APLF: variants seen among roughly 807,000 people sequenced by gnomAD.
APLF encodes aprataxin and PNKP like factor.
APLF carries 61 observed loss-of-function variants against 55.6 expected under a neutral mutation model. That is an observed-to-expected ratio of 1.10 (90% CI 0.89 to 1.36). The LOEUF is 1.36. Among genes scored for constraint, APLF ranks in the 40% most tolerant of loss-of-function variants. APLF has a pLI of 0.00. For missense variants in APLF, 611 were observed against 602.5 expected (o/e 1.01, Z -0.15); for synonymous variants, 207 against 214.8 (o/e 0.96, Z 0.32).
At chr2:68,543,771 A>G (rs4508636) in intron 7 of APLF, among the ~76,000 whole-genome samples, 1 of 152,184 alleles carries the variant, frequency 6.6e-6, no homozygotes, top group Admixed American at 6.5e-5. Context: ...TTGAAAACGT[A>G]CTTACTGCTA....
At chr2:68,532,665 A>T (rs1234031479) in intron 6 of APLF, among the ~76,000 whole-genome samples, 1 of 152,184 alleles carries the variant, frequency 6.6e-6, no homozygotes, top group Non-Finnish European at 1.5e-5. Context: ...TGTCAGAAAT[A>T]GTCTATATTT....
At chr2:68,514,794 CTT>C (rs1302740597) in intron 5 of APLF, among the ~76,000 whole-genome samples, 2 of 151,774 alleles carry the variant, frequency 1.3e-5, no homozygotes, top group Admixed American at 1.3e-4. Context: ...AGTTCACAAA[CTT>C]TATAGATTAT....
chr2:68,563,135 T>C lies in APLF; in HGVS notation c.1287-4206T>C, dbSNP rs144651495. The C allele has an allele frequency of 2.6e-3, 2,541 of 985,266 alleles. 49 individuals carry two copies. The African/African-American group carries it at 0.04, about 16-fold the overall frequency. The allele number at this position is 985,266 out of a possible 1,614,324, so 61.0% of individuals were successfully genotyped here. A position where few individuals can be genotyped will look rare whatever the true frequency, so the allele number is the denominator to read the frequency against. Reference sequence around the variant, plus strand: ...TCCAGTTGAAAAACACCAACTCAGCTAGTTTCTTCTGGTCTGCATTACAGT... The same window carrying C: ...TCCAGTTGAAAAACACCAACTCAGCCAGTTTCTTCTGGTCTGCATTACAGT... On this transcript the variant is annotated intron_variant, in intron 8 of 9. Coordinates refer to ENST00000303795, the MANE Select transcript of APLF (RefSeq NM_173545.3).
chr2:68,509,317 G>T (rs927013487), intron 3 of APLF, among the ~76,000 whole-genome samples: 1 of 151,858 alleles, frequency 6.6e-6, no homozygotes, highest in African/African-American at 2.4e-5. Context: ...TTTGCAATCT[G>T]CTCATCTGAC....
intron 1 of APLF, among the ~76,000 whole-genome samples, chr2:68,485,785 C>G (rs1676144953): frequency 6.7e-6 from 1 of 149,588 alleles, no homozygotes; most frequent in South Asian, 2.1e-4. Context: ...ATCCATGATT[C>G]ATATGGAATC....
At chr2:68,551,350 G>A (rs1465902417) in intron 8 of APLF, among the ~76,000 whole-genome samples, 6 of 151,988 alleles carry the variant, frequency 3.9e-5, no homozygotes, top group East Asian at 1.9e-4. Context: ...ATCCTATTTG[G>A]GGGTTCACTG....
chr2:68,519,401 AATACATGTTGAACTATT>A (rs1397456014), intron 5 of APLF, among the ~76,000 whole-genome samples: 5 of 149,270 alleles, frequency 3.3e-5, no homozygotes, highest in Non-Finnish European at 1.5e-5. Context: ...TTTGAAATGA[AATACATGTTGAACTATT>A]ATAAGCAGTA....
chr2:68,524,924 T>G (rs539189104), intron 5 of APLF, among the ~76,000 whole-genome samples: 1 of 152,324 alleles, frequency 6.6e-6, no homozygotes, highest in Non-Finnish European at 1.5e-5. Flanking sequence ...CCAACTGCAT[T>G]AAACTTTGGG....
intron 1 of APLF, among the ~76,000 whole-genome samples, chr2:68,469,219 C>T (rs903566553): frequency 6.6e-6 from 1 of 151,864 alleles, no homozygotes; most frequent in Non-Finnish European, 1.5e-5. Context: ...CTTTTAAATT[C>T]GTAGGTTTGA....
At position 68,578,276 on chromosome 2, in the gene APLF, A is replaced by G. The variant is rs1234980026; in HGVS notation, c.*254A>G. On this transcript the variant is annotated 3_prime_UTR_variant, in exon 10 of 10. Transcript: ENST00000303795. ...GGAAGACAGAGAAGGTAGAGTAAAA[A>G]TGGATATTTTTTATGTACTTTGTAT... 1.7e-6 allele frequency: 2 copies of G among 1,200,764 alleles called. No homozygotes were observed. The highest frequency in any genetic ancestry group is 1.0e-6 in the Non-Finnish European group (1 of 962,188). The allele number at this position is 1,200,764 out of a possible 1,614,324, so 74.4% of individuals were successfully genotyped here.
At chr2:68,564,897 GT>G (rs1671258019) in intron 8 of APLF, among the ~76,000 whole-genome samples, 2 of 152,118 alleles carry the variant, frequency 1.3e-5, no homozygotes, top group African/African-American at 4.8e-5. Context: ...TCTTTTCTTG[GT>G]TTTTGAATTA....
chr2:68,544,090 T>C (rs1193307228), intron 7 of APLF, among the ~76,000 whole-genome samples: 1 of 151,360 alleles, frequency 6.6e-6, no homozygotes, highest in Non-Finnish European at 1.5e-5. Flanking sequence ...CAAGCAGTTC[T>C]CCTGCCTCAG....
intron 6 of APLF, chr2:68,528,841 C>G: frequency 6.6e-7 from 1 of 1,510,422 alleles, no homozygotes; most frequent in Non-Finnish European, 8.9e-7. Context: ...GGACATTTCC[C>G]TCCAAGGGCC....
intron 2 of APLF, among the ~76,000 whole-genome samples, chr2:68,490,679 C>T (rs1676330331): frequency 6.6e-6 from 1 of 152,152 alleles, no homozygotes; most frequent in Non-Finnish European, 1.5e-5. Flanking sequence ...AAAACTTAGA[C>T]TTTGTTCAAC....
rs184919182 is a variant in APLF, at chr2:68,555,145, A to T, written c.1286+9833A>T. Among the ~76,000 whole-genome samples, 600 of 152,288 alleles carry T rather than the reference A, an allele frequency of 3.9e-3. 5 individuals are homozygous for T. The highest frequency in any genetic ancestry group is 8.5e-3 in the South Asian group (41 of 4,826). ...AAACTGGACCCTCATCTCTCACCTT[A>T]TACAAAAATCAACTCAAGATGGATC... On this transcript the variant is annotated intron_variant, in intron 8 of 9. Transcript: ENST00000303795.
At chr2:68,538,689 G>T (rs1670470403) in intron 7 of APLF, among the ~76,000 whole-genome samples, 1 of 133,234 alleles carries the variant, frequency 7.5e-6, no homozygotes, top group South Asian at 2.4e-4. Context: ...AATAATCCTG[G>T]ATTGATGGGT....
At chr2:68,532,217 A>T (rs1395849218) in intron 6 of APLF, among the ~76,000 whole-genome samples, 6 of 152,192 alleles carry the variant, frequency 3.9e-5, no homozygotes, top group Admixed American at 3.9e-4. Flanking sequence ...GGCTAGGTTC[A>T]CCTATCTATT....
chr2:68,467,756 C>T lies in APLF; in HGVS notation c.25C>T (p.Pro9Ser). The change falls in exon 1 of 10, where the codon CCG (proline) becomes TCG (serine). Residue 9 changes from proline (P) to serine (S), a missense_variant. Pro to Ser is a moderately conservative substitution (Grantham distance 74). Transcript: ENST00000303795. MSGGFELQPRDGGPRVALA... is the reference protein window; with the variant it reads MSGGFELQSRDGGPRVALA... ...CATGTCCGGGGGCTTCGAGCTGCAG[C>T]CGCGGGACGGCGGTCCCCGGGTGGC... 8.1e-7 allele frequency: 1 copy of T among 1,234,818 alleles called. No homozygotes were observed. Among genetic ancestry groups the T allele is most frequent in the Non-Finnish European group, 1.0e-6 (1 of 988,046 alleles). The allele number at this position is 1,234,818 out of a possible 1,614,324, so 76.5% of individuals were successfully genotyped here.
In APLF at chr2:68,579,813, G is replaced by A. The variant is rs112505456; in HGVS notation, c.*1791G>A. 0.027 allele frequency: 4,834 copies of A among 181,120 alleles called. 79 individuals carry two copies. The highest frequency in any genetic ancestry group is 0.046 in the Middle Eastern group (17 of 368). The allele number at this position is 181,120 out of a possible 1,614,324, so 11.2% of individuals were successfully genotyped here. ...GGAAGAATGGGGAGTGACTGCTAAT[G>A]AGTATAGGATTTCCTTTTGAGTGAT... is the stretch of plus-strand genomic sequence containing the variant. On this transcript the variant is annotated 3_prime_UTR_variant, in exon 10 of 10. Transcript: ENST00000303795.
Sources: allele counts gnomAD v4.1 joint callset (sites outside exome capture counted in the v4.1 genomes callset), GRCh38; gene constraint gnomAD v4.1.1; transcripts MANE v1.5; gene names NCBI Gene and HGNC (gene_info 2026-07-23, HGNC 2026-07-21).